The following EMC2 variants were observed in gnomAD, a reference collection of about 807,000 sequenced individuals.
The protein encoded by EMC2 is ER membrane protein complex subunit 2.
Under a neutral mutation model 51.6 loss-of-function variants are expected in EMC2, and 37 were observed. The observed-to-expected ratio is 0.72, with a 90% CI of 0.55 to 0.94. EMC2 has a LOEUF of 0.94. Among genes scored for constraint, EMC2 ranks in the 40% least tolerant of loss-of-function variants. EMC2 has a pLI of 0.00. For synonymous variants in EMC2, 131 were observed against 112.4 expected (o/e 1.17, Z -1.04); for missense variants, 359 against 350.9 (o/e 1.02, Z -0.18).
intron 5 of EMC2, among the ~76,000 whole-genome samples, chr8:108,458,661 G>A (rs1586180636): frequency 6.6e-6 from 1 of 152,246 alleles, no homozygotes; most frequent in African/African-American, 2.4e-5. Context: ...GTTGCACACT[G>A]CACGGGACCT....
intron 5 of EMC2, among the ~76,000 whole-genome samples, chr8:108,462,691 T>G (rs999711283): frequency 6.6e-6 from 1 of 152,178 alleles, no homozygotes; most frequent in African/African-American, 2.4e-5. Context: ...GTTAAAAATG[T>G]TATTTTGTTA....
chr8:108,455,760 T>TA, intron 4 of EMC2, 113 bp from the exon 5 acceptor site: 1 of 460,766 alleles, frequency 2.2e-6, no homozygotes. Flanking sequence ...AAAGCAATTA[T>TA]AAATGCATTT....
chr8:108,471,927 C>T (rs1463836220), intron 7 of EMC2, among the ~76,000 whole-genome samples: 1 of 151,930 alleles, frequency 6.6e-6, no homozygotes, highest in Non-Finnish European at 1.5e-5. Flanking sequence ...TCTTTAACAA[C>T]ACTGGATACT....
intron 5 of EMC2, among the ~76,000 whole-genome samples, chr8:108,462,829 G>T (rs930547832): frequency 6.6e-6 from 1 of 151,246 alleles, no homozygotes; most frequent in African/African-American, 2.4e-5. Context: ...CTCTGTGCCG[G>T]GATTACAGGA....
chr8:108,453,504 T>C (rs1819080790), intron 4 of EMC2, among the ~76,000 whole-genome samples: 1 of 152,142 alleles, frequency 6.6e-6, no homozygotes, highest in African/African-American at 2.4e-5. Flanking sequence ...ATTTTCTAAA[T>C]GGTGCCTTGT....
intron 3 of EMC2, among the ~76,000 whole-genome samples, chr8:108,450,859 A>G (rs1766390312): frequency 6.6e-6 from 1 of 152,202 alleles, no homozygotes; most frequent in Non-Finnish European, 1.5e-5. Flanking sequence ...AATATTATAA[A>G]CATATCTGAC....
chr8:108,462,742 GTT>G (rs10536863), intron 5 of EMC2, among the ~76,000 whole-genome samples: 97,506 of 149,066 alleles, frequency 0.65, 32,093 homozygotes, highest in African/African-American at 0.75. Context: ...TTTTAATATT[GTT>G]TTTTTTTTTT....
intron 5 of EMC2, among the ~76,000 whole-genome samples, chr8:108,465,429 T>G (rs2130377149): frequency 6.6e-6 from 1 of 152,358 alleles, no homozygotes; most frequent in South Asian, 2.1e-4. Context: ...CAATTTTATT[T>G]ATATTTAACA....
intron 7 of EMC2, chr8:108,475,367 T>C (rs1810928740): frequency 6.6e-6 from 1 of 152,140 alleles, no homozygotes; most frequent in Non-Finnish European, 1.5e-5. Context: ...TTCATTATAA[T>C]TTGGTATTTG....
rs766980785 is a variant in EMC2, at chr8:108,453,047, C to T, written c.220-15C>T. 6.6e-7 allele frequency: 1 copy of T among 1,523,906 alleles called. No homozygotes were observed. The highest frequency in any genetic ancestry group is 1.2e-5 in the South Asian group (1 of 85,422). 94.4% of individuals were successfully genotyped at this position (1,523,906 alleles called of 1,614,324 possible). A position where few individuals can be genotyped will look rare whatever the true frequency, so the allele number is the denominator to read the frequency against. On this transcript the variant is annotated splice_polypyrimidine_tract_variant and intron_variant, in intron 3 of 10. Coordinates refer to ENST00000220853, the MANE Select transcript of EMC2 (RefSeq NM_014673.5). ...TATAAATAATGTAATTACTACTCAA[C>T]CCTTATTTTTTCAGTTTTGTCTTCA...
Position 108,475,913 on chromosome 8 carries a change from C to T in EMC2, c.541C>T (p.Leu181=), listed in dbSNP as rs747006499. 2 of 1,600,320 alleles carry T rather than the reference C, an allele frequency of 1.2e-6. No individual in the cohort carries two copies. The highest frequency in any genetic ancestry group is 1.7e-6 in the Non-Finnish European group (2 of 1,172,726). The part of the protein sequence containing the change: ...YAKAAFCLEE[L]MMTNPHNHLY... ...AAAAGCAGCCTTTTGTTTAGAGGAA[C>T]TAATGATGACTAATCCACACAACCA... Residue 181 remains leucine (L), a synonymous_variant, in exon 8 of 11, where the codon CTA becomes TTA. Transcript: ENST00000220853.
Position 108,488,350 on chromosome 8 carries a change from G to A in EMC2, c.*1752G>A, listed in dbSNP as rs1481197646. Among the ~76,000 whole-genome samples, 1 of 151,838 alleles carries A rather than the reference G, an allele frequency of 6.6e-6. No individual in the cohort carries two copies. The highest frequency in any genetic ancestry group is 1.5e-5 in the Non-Finnish European group (1 of 67,972). On this transcript the variant is annotated 3_prime_UTR_variant, in exon 11 of 11. Transcript: ENST00000220853. ...TAATTTTGTATTTTTAGTAGAGATG[G>A]GGTTTCACCATGTTGGCCAGGCTGG...
At chr8:108,450,950 C>T (rs771391566) in intron 3 of EMC2, among the ~76,000 whole-genome samples, 1 of 152,094 alleles carries the variant, frequency 6.6e-6, no homozygotes, top group Non-Finnish European at 1.5e-5. Flanking sequence ...ACCTGTAATC[C>T]CAGCACTTTG....
intron 10 of EMC2, among the ~76,000 whole-genome samples, chr8:108,482,614 T>C (rs1811063495): frequency 6.0e-5 from 1 of 16,608 alleles, no homozygotes. Context: ...AGAATCTGGT[T>C]GGTTCTGTTG....
Position 108,488,613 on chromosome 8 carries a change from TTTC to T in EMC2, c.*2021_*2023del, listed in dbSNP as rs1484068950. Among the ~76,000 whole-genome samples, 1 of 152,224 alleles carries T rather than the reference TTTC, an allele frequency of 6.6e-6. No individual in the cohort carries two copies. The highest frequency in any genetic ancestry group is 1.5e-5 in the Non-Finnish European group (1 of 68,044). On this transcript the variant is annotated 3_prime_UTR_variant, in exon 11 of 11. Coordinates refer to ENST00000220853, the MANE Select transcript of EMC2 (RefSeq NM_014673.5). ...CAGTTGCCTACAGCTATTACCTTTA[TTTC>T]TTCTTTAGCAGTACCTTAGTTTGAT...
chr8:108,445,636 A>G (rs1179037011), intron 1 of EMC2, among the ~76,000 whole-genome samples: 1 of 151,922 alleles, frequency 6.6e-6, no homozygotes, highest in Non-Finnish European at 1.5e-5. Flanking sequence ...AAGCAACAAA[A>G]CACACCTGCA....
intron 5 of EMC2, among the ~76,000 whole-genome samples, chr8:108,462,810 C>T (rs928054177): frequency 6.6e-6 from 1 of 151,858 alleles, no homozygotes; most frequent in Non-Finnish European, 1.5e-5. Flanking sequence ...AATCTCGGCT[C>T]ATTGCAAGCT....
intron 10 of EMC2, among the ~76,000 whole-genome samples, chr8:108,479,791 CTTGCTATA>C (rs1811014390): frequency 6.6e-6 from 1 of 152,046 alleles, no homozygotes; most frequent in Non-Finnish European, 1.5e-5. Flanking sequence ...TAGACGAGAT[CTTGCTATA>C]TTGCCCAGGC....
intron 5 of EMC2, among the ~76,000 whole-genome samples, chr8:108,457,168 T>C (rs1281178060): frequency 6.6e-6 from 1 of 152,244 alleles, no homozygotes; most frequent in African/African-American, 2.4e-5. Context: ...TATTCTGTAA[T>C]GATACTTATG....
Sources: gnomAD v4.1 joint callset for allele counts (sites outside exome capture counted in the v4.1 genomes callset) on GRCh38, gnomAD v4.1.1 for gene constraint, MANE v1.5 for transcripts, NCBI Gene and HGNC (gene_info 2026-07-23, HGNC 2026-07-21) for gene names.